Variants in IPCEF1 observed in about 807,000 individuals in gnomAD.
IPCEF1 encodes interaction protein for cytohesin exchange factors 1, also known as interactor protein for cytohesin exchange factors 1.
IPCEF1 carries 31 observed loss-of-function variants against 50.9 expected under a neutral mutation model. The ratio of observed to expected loss-of-function variants is 0.61; its 90% CI spans 0.46 to 0.82. The LOEUF (loss-of-function observed/expected upper bound fraction) is 0.82. Among genes scored for constraint, IPCEF1 ranks in the 40% least tolerant of loss-of-function variants. The pLI, the probability that IPCEF1 is intolerant of heterozygous loss-of-function variation, is 0.00. For missense variants in IPCEF1, 458 were observed against 514.0 expected (o/e 0.89, Z 1.05); for synonymous variants, 181 against 192.0 (o/e 0.94, Z 0.47).
intron 7 of IPCEF1, among the ~76,000 whole-genome samples, chr6:154,220,976 G>C (rs1778820054): frequency 1.3e-5 from 2 of 152,198 alleles, no homozygotes; most frequent in African/African-American, 4.8e-5. Context: ...TCCTTGTGAT[G>C]CTGATTCTCC....
Position 154,231,135 on chromosome 6 carries a change from A to C in IPCEF1, c.247-7892T>G, listed in dbSNP as rs114556378. Among the ~76,000 whole-genome samples the C allele has an allele frequency of 7.6e-3, 1,158 of 152,350 alleles. 12 individuals are homozygous for C. Among genetic ancestry groups the C allele is most frequent in the African/African-American group, 0.025 (1,059 of 41,576 alleles). Reference sequence around the variant, plus strand: ...GCCCATTCTCATGCCGCCTTAGAACAGTTGTCTCTAGATTCTCACACTACA... The same window carrying C: ...GCCCATTCTCATGCCGCCTTAGAACCGTTGTCTCTAGATTCTCACACTACA... On this transcript the variant is annotated intron_variant, in intron 5 of 11. Coordinates refer to ENST00000367220, the MANE Select transcript of IPCEF1 (RefSeq NM_001130700.2).
intron 1 of IPCEF1, among the ~76,000 whole-genome samples, chr6:154,326,749 A>G (rs551844985): frequency 6.6e-6 from 1 of 152,360 alleles, no homozygotes; most frequent in South Asian, 2.1e-4. Flanking sequence ...AAGAGCCCAA[A>G]TAGCCAAGAC....
chr6:154,283,026 C>T (rs1340558491), intron 2 of IPCEF1, among the ~76,000 whole-genome samples: 11 of 151,960 alleles, frequency 7.2e-5, no homozygotes. Flanking sequence ...AGGGCAGGAA[C>T]CTCATTCCTG....
At chr6:154,221,212 G>C in intron 7 of IPCEF1, 45 bp downstream of exon 7, 1 of 1,387,424 alleles carries the variant, frequency 7.2e-7, no homozygotes, top group Non-Finnish European at 1.0e-6. Flanking sequence ...CTAAAGTTAA[G>C]TATATTCCCA....
intron 10 of IPCEF1, among the ~76,000 whole-genome samples, chr6:154,173,733 AT>A (rs1310982553): frequency 5.9e-5 from 9 of 152,202 alleles, no homozygotes; most frequent in African/African-American, 1.9e-4. Context: ...ATGGGACCAA[AT>A]TGGAAAACAC....
At chr6:154,171,492 A>G (rs1271466730) in intron 10 of IPCEF1, among the ~76,000 whole-genome samples, 1 of 152,108 alleles carries the variant, frequency 6.6e-6, no homozygotes, top group Non-Finnish European at 1.5e-5. Flanking sequence ...GGAGAATGGC[A>G]GCTAATGTGT....
At chr6:154,177,358 A>C (rs1167325989) in intron 10 of IPCEF1, among the ~76,000 whole-genome samples, 3 of 152,264 alleles carry the variant, frequency 2.0e-5, no homozygotes, top group Admixed American at 6.5e-5. Context: ...GGCAACCTAC[A>C]GAATGGGAGA....
intron 10 of IPCEF1, among the ~76,000 whole-genome samples, chr6:154,184,579 C>T (rs942060554): frequency 1.3e-5 from 2 of 151,918 alleles, no homozygotes; most frequent in African/African-American, 2.4e-5. Flanking sequence ...AGAAAAAATA[C>T]ACTCCAAATT....
intron 1 of IPCEF1, among the ~76,000 whole-genome samples, chr6:154,345,901 T>C (rs1370533899): frequency 6.6e-6 from 1 of 152,194 alleles, no homozygotes; most frequent in Non-Finnish European, 1.5e-5. Flanking sequence ...GGTCTCACTC[T>C]GTCACCCAGG....
At chr6:154,211,865 T>C (rs1005406741) in intron 9 of IPCEF1, among the ~76,000 whole-genome samples, 1 of 151,928 alleles carries the variant, frequency 6.6e-6, no homozygotes, top group Non-Finnish European at 1.5e-5. Context: ...AATTAAGAAA[T>C]CCTATCATTC....
intron 1 of IPCEF1, among the ~76,000 whole-genome samples, chr6:154,324,642 T>C (rs921616636): frequency 6.6e-6 from 1 of 151,988 alleles, no homozygotes; most frequent in African/African-American, 2.4e-5. Context: ...ACCCTGTCTT[T>C]ACTAAAAATA....
chr6:154,255,385 T>C (rs1781436673), intron 3 of IPCEF1, among the ~76,000 whole-genome samples: 1 of 152,238 alleles, frequency 6.6e-6, no homozygotes, highest in African/African-American at 2.4e-5. Flanking sequence ...CTAACAACTA[T>C]CACACTGATC....
At chr6:154,246,867 C>G in intron 4 of IPCEF1, 107 bp from the exon 5 acceptor site, 1 of 1,312,110 alleles carries the variant, frequency 7.6e-7, no homozygotes, top group Non-Finnish European at 1.0e-6. Flanking sequence ...AATTGTTAAC[C>G]CCCCGGGGAG....
At chr6:154,208,396 G>A (rs1016870563) in intron 9 of IPCEF1, among the ~76,000 whole-genome samples, 10 of 152,136 alleles carry the variant, frequency 6.6e-5, no homozygotes, top group East Asian at 1.9e-4. Context: ...TCAGTCGGAC[G>A]TGTCCTGGCT....
At chr6:154,220,894 C>T (rs534540375) in intron 7 of IPCEF1, among the ~76,000 whole-genome samples, 1 of 152,322 alleles carries the variant, frequency 6.6e-6, no homozygotes, top group African/African-American at 2.4e-5. Flanking sequence ...ATATATTAAA[C>T]GCTATAGCAA....
Position 154,213,594 on chromosome 6 carries a change from C to T in IPCEF1, c.451+624G>A, listed in dbSNP as rs544655713. Among the ~76,000 whole-genome samples, 360 of 152,286 alleles carry T rather than the reference C, an allele frequency of 2.4e-3. 1 individual carries two copies. Among genetic ancestry groups the T allele is most frequent in the African/African-American group, 8.5e-3 (354 of 41,548 alleles). ...TATCAGAAGATATAACTCCCTGCTTCCAATTTCCAAGGCCTTTTGTGGTCT... is the reference window on the plus strand; with the variant it reads ...TATCAGAAGATATAACTCCCTGCTTTCAATTTCCAAGGCCTTTTGTGGTCT... On this transcript the variant is annotated intron_variant, in intron 8 of 11. Transcript: ENST00000367220.
At chr6:154,286,250 G>A (rs1288231391) in intron 2 of IPCEF1, among the ~76,000 whole-genome samples, 1 of 152,164 alleles carries the variant, frequency 6.6e-6, no homozygotes, top group Non-Finnish European at 1.5e-5. Flanking sequence ...TGCATGTGGG[G>A]CTTAAAACCT....
chr6:154,192,880 G>C (rs1299931538), intron 10 of IPCEF1, among the ~76,000 whole-genome samples: 1 of 152,146 alleles, frequency 6.6e-6, no homozygotes, highest in Non-Finnish European at 1.5e-5. Context: ...ATGTTGGTGT[G>C]GAGGTGGTGA....
intron 5 of IPCEF1, among the ~76,000 whole-genome samples, chr6:154,231,546 T>C (rs1221876960): frequency 1.3e-5 from 2 of 152,234 alleles, no homozygotes; most frequent in Admixed American, 6.5e-5. Context: ...TGAATAACTA[T>C]GAAAAACGCC....
Sources: allele counts gnomAD v4.1 joint callset (sites outside exome capture counted in the v4.1 genomes callset), GRCh38; gene constraint gnomAD v4.1.1; transcripts MANE v1.5; gene names NCBI Gene and HGNC (gene_info 2026-07-23, HGNC 2026-07-21).